Variants in CACNB2 observed in about 807,000 individuals in gnomAD.
The protein encoded by CACNB2 is voltage-dependent L-type calcium channel subunit beta-2.
A neutral mutation model predicts 73.3 loss-of-function variants in CACNB2; 42 were observed. The observed-to-expected ratio is 0.57, with a 90% CI of 0.45 to 0.74. The LOEUF is 0.74. CACNB2 is among the 30% of genes least tolerant of loss of function. CACNB2 has a pLI of 0.00. For missense variants in CACNB2, 940 were observed against 853.0 expected (o/e 1.10, Z -1.27); for synonymous variants, 348 against 310.3 (o/e 1.12, Z -1.28).
chr10:18,480,379 G>T (rs140651648), intron 3 of CACNB2, among the ~76,000 whole-genome samples: 1 of 152,070 alleles, frequency 6.6e-6, no homozygotes, highest in Non-Finnish European at 1.5e-5. Context: ...AGACAAGCCC[G>T]TTGGTTTAAT....
At chr10:18,534,329 T>C (rs2053348329) in intron 11 of CACNB2, 102 bp downstream of exon 11, 5 of 1,027,974 alleles carry the variant, frequency 4.9e-6, no homozygotes, top group South Asian at 3.9e-5. Context: ...CTTTATGATG[T>C]ATAGAGAATT....
At chr10:18,298,781 A>G (rs1212079757) in intron 2 of CACNB2, among the ~76,000 whole-genome samples, 1 of 152,190 alleles carries the variant, frequency 6.6e-6, no homozygotes, top group African/African-American at 2.4e-5. Flanking sequence ...CAGATGGATA[A>G]TCCCTCATTT....
intron 2 of CACNB2, among the ~76,000 whole-genome samples, chr10:18,385,973 T>C (rs1308767428): frequency 6.6e-6 from 1 of 152,176 alleles, no homozygotes; most frequent in Non-Finnish European, 1.5e-5. Flanking sequence ...TTTGTATATA[T>C]CTATAAAAGT....
intron 2 of CACNB2, among the ~76,000 whole-genome samples, chr10:18,287,518 C>G (rs549105178): frequency 1.3e-5 from 2 of 151,850 alleles, no homozygotes; most frequent in Non-Finnish European, 2.9e-5. Flanking sequence ...TGGTTTAATA[C>G]AACAGAAATT....
At chr10:18,521,038 C>G (rs1459689888) in intron 9 of CACNB2, among the ~76,000 whole-genome samples, 1 of 152,220 alleles carries the variant, frequency 6.6e-6, no homozygotes. Flanking sequence ...TGGAGCAGTA[C>G]TCAACATGAG....
At chr10:18,500,292 A>C (rs1282293123) in intron 4 of CACNB2, among the ~76,000 whole-genome samples, 3 of 152,248 alleles carry the variant, frequency 2.0e-5, no homozygotes, top group Non-Finnish European at 1.5e-5. Context: ...GCAAGACATA[A>C]ATTGTCAACA....
intron 3 of CACNB2, among the ~76,000 whole-genome samples, chr10:18,470,525 A>G (rs1266391548): frequency 2.6e-5 from 4 of 151,220 alleles, no homozygotes; most frequent in Non-Finnish European, 5.9e-5. Context: ...TGTGTATATT[A>G]TATATACTAT....
chr10:18,171,003 G>T (rs2033182915), intron 2 of CACNB2, among the ~76,000 whole-genome samples: 1 of 152,194 alleles, frequency 6.6e-6, no homozygotes, highest in Admixed American at 6.5e-5. Context: ...TCAAGACCGT[G>T]TGTGCTCTAT....
chr10:18,412,905 G>A (rs1307860591), intron 3 of CACNB2, among the ~76,000 whole-genome samples: 4 of 152,136 alleles, frequency 2.6e-5, no homozygotes, highest in Non-Finnish European at 5.9e-5. Context: ...TGTGGTCTGT[G>A]CGTTGTACCC....
At chr10:18,493,019 TAAA>T (rs201914909) in intron 3 of CACNB2, among the ~76,000 whole-genome samples, 5 of 151,792 alleles carry the variant, frequency 3.3e-5, no homozygotes, top group African/African-American at 1.2e-4. Context: ...TTGAAAATGT[TAAA>T]AAAAAATTAC....
At chr10:18,316,863 C>G in intron 2 of CACNB2, among the ~76,000 whole-genome samples, 1 of 152,188 alleles carries the variant, frequency 6.6e-6, no homozygotes, top group East Asian at 1.9e-4. Flanking sequence ...CAAATCTTAG[C>G]ACTGTCTTAG....
intron 2 of CACNB2, among the ~76,000 whole-genome samples, chr10:18,231,556 A>G (rs1277747): frequency 0.55 from 83,420 of 152,052 alleles, 25,280 homozygotes; most frequent in Admixed American, 0.68. Context: ...TCTCTTTTAG[A>G]GAATGTGGCT....
intron 3 of CACNB2, among the ~76,000 whole-genome samples, chr10:18,451,005 A>T (rs1218377167): frequency 6.6e-6 from 1 of 152,204 alleles, no homozygotes; most frequent in African/African-American, 2.4e-5. Flanking sequence ...ATATTTCAGC[A>T]GCTAGGATAA....
intron 3 of CACNB2, among the ~76,000 whole-genome samples, chr10:18,456,054 T>C (rs917097591): frequency 2.0e-5 from 3 of 152,214 alleles, no homozygotes. Flanking sequence ...TTTTTTTCCA[T>C]TTCCCACTGA....
chr10:18,517,824 G>GT (rs151020758), intron 7 of CACNB2, among the ~76,000 whole-genome samples: 7,361 of 152,260 alleles, frequency 0.048, 274 homozygotes, highest in Non-Finnish European at 0.077. Flanking sequence ...TAGGTAAAAA[G>GT]TATTGGTAGT....
intron 3 of CACNB2, among the ~76,000 whole-genome samples, chr10:18,454,554 T>C (rs945112468): frequency 6.6e-6 from 1 of 152,216 alleles, no homozygotes; most frequent in African/African-American, 2.4e-5. Context: ...GGGGATGAGA[T>C]TGCCCCTGTT....
chr10:18,484,459 G>C (rs1589500273), intron 3 of CACNB2, among the ~76,000 whole-genome samples: 1 of 152,160 alleles, frequency 6.6e-6, no homozygotes, highest in South Asian at 2.1e-4. Flanking sequence ...AGCTAAGTGA[G>C]TGAAGTGTAA....
rs1564353840 is a variant in CACNB2 at position 18,220,227 on chromosome 10, ATATAT to A, written c.213+69253_213+69257del. 3.7e-3 allele frequency among the ~76,000 whole-genome samples: 190 copies of A among 51,672 alleles called. 4 individuals are homozygous for A. The highest frequency in any genetic ancestry group is 4.9e-3 in the South Asian group (8 of 1,618). The allele number at this position is 51,672 out of a possible 152,430, so 33.9% of individuals were successfully genotyped here. Reference sequence around the variant, plus strand: ...TATATATATATATATATATATATATATATATAGAGAGAGAGAGAGAGAGAGAGAGA... The same window carrying A: ...TATATATATATATATATATATATATAAGAGAGAGAGAGAGAGAGAGAGAGA... On this transcript the variant is annotated intron_variant, in intron 2 of 13. Coordinates refer to ENST00000324631, the MANE Select transcript of CACNB2 (RefSeq NM_201596.3).
intron 2 of CACNB2, among the ~76,000 whole-genome samples, chr10:18,243,915 A>G (rs530113379): frequency 1.3e-5 from 2 of 152,350 alleles, no homozygotes; most frequent in Non-Finnish European, 2.9e-5. Flanking sequence ...GGACTAAGAC[A>G]GGGAACAACG....
Sources: gnomAD v4.1 joint callset for allele counts (sites outside exome capture counted in the v4.1 genomes callset) on GRCh38, gnomAD v4.1.1 for gene constraint, MANE v1.5 for transcripts, NCBI Gene and HGNC (gene_info 2026-07-23, HGNC 2026-07-21) for gene names.